Variants in NCAM1 observed in about 807,000 individuals in gnomAD.
NCAM1 encodes antigen recognized by monoclonal antibody 5.1H11.
NCAM1 carries 14 observed loss-of-function variants against 109.8 expected under a neutral mutation model. The ratio of observed to expected loss-of-function variants is 0.13; its 90% CI spans 0.08 to 0.20. The LOEUF (loss-of-function observed/expected upper bound fraction) is 0.20. Ranked by LOEUF, NCAM1 falls within the 10% of genes least tolerant of loss-of-function variation. The pLI is 1.00. For synonymous variants in NCAM1, 418 were observed against 442.9 expected (o/e 0.94, Z 0.70); for missense variants, 774 against 1,109.9 (o/e 0.70, Z 4.30).
intron 1 of NCAM1, among the ~76,000 whole-genome samples, chr11:113,180,122 A>T (rs539190632): frequency 6.6e-6 from 1 of 152,292 alleles, no homozygotes; most frequent in Non-Finnish European, 1.5e-5. Context: ...TTTGTGGACG[A>T]CTGACTGGCA....
At chr11:113,093,396 G>C (rs921412887) in intron 1 of NCAM1, among the ~76,000 whole-genome samples, 6 of 152,178 alleles carry the variant, frequency 3.9e-5, no homozygotes, top group Admixed American at 1.3e-4. Flanking sequence ...AAGCTTTGCT[G>C]TTGCATTGCA....
At chr11:113,224,508 C>T (rs9783383) in intron 9 of NCAM1, among the ~76,000 whole-genome samples, 1 of 152,370 alleles carries the variant, frequency 6.6e-6, no homozygotes, top group Admixed American at 6.5e-5. Context: ...CCTCTGGCAG[C>T]AGGGCATAGC....
chr11:112,970,195 A>T (rs528409973), intron 1 of NCAM1, among the ~76,000 whole-genome samples: 23 of 152,156 alleles, frequency 1.5e-4, no homozygotes, highest in East Asian at 1.2e-3. Context: ...AGAAATTAAA[A>T]ATATATATAT....
intron 1 of NCAM1, among the ~76,000 whole-genome samples, chr11:113,163,970 G>A (rs1177909925): frequency 3.3e-5 from 5 of 152,080 alleles, no homozygotes; most frequent in Non-Finnish European, 5.9e-5. Context: ...CTACCCACTG[G>A]CATGTTCCCA....
chr11:113,046,691 CAGAA>C (rs1367620679), intron 1 of NCAM1, among the ~76,000 whole-genome samples: 1 of 149,858 alleles, frequency 6.7e-6, no homozygotes. Flanking sequence ...GATGAACAGA[CAGAA>C]AGACAGATGA....
intron 14 of NCAM1, among the ~76,000 whole-genome samples, chr11:113,236,570 T>G (rs1945173840): frequency 6.6e-6 from 1 of 152,130 alleles, no homozygotes; most frequent in East Asian, 1.9e-4. Context: ...ATTTATTAAT[T>G]TTTGTGTGTG....
At chr11:113,044,784 C>T (rs1366256090) in intron 1 of NCAM1, among the ~76,000 whole-genome samples, 2 of 151,986 alleles carry the variant, frequency 1.3e-5, no homozygotes, top group Non-Finnish European at 2.9e-5. Flanking sequence ...GACGGAGTCT[C>T]GCTCTGTCGC....
intron 1 of NCAM1, among the ~76,000 whole-genome samples, chr11:113,166,588 A>T (rs1555105316): frequency 6.6e-6 from 1 of 152,252 alleles, no homozygotes; most frequent in South Asian, 2.1e-4. Context: ...TACAAGGAAT[A>T]ATAAAATATT....
chr11:113,131,422 G>C (rs997859479), intron 1 of NCAM1, among the ~76,000 whole-genome samples: 1 of 152,124 alleles, frequency 6.6e-6, no homozygotes, highest in African/African-American at 2.4e-5. Flanking sequence ...ATTTTACTCA[G>C]GGATTCATTG....
intron 1 of NCAM1, among the ~76,000 whole-genome samples, chr11:112,991,318 A>C (rs1336304276): frequency 6.6e-6 from 1 of 152,172 alleles, no homozygotes; most frequent in Non-Finnish European, 1.5e-5. Flanking sequence ...TAAATAAACA[A>C]ACTAGAATTT....
At chr11:113,086,845 A>G (rs1037062854) in intron 1 of NCAM1, among the ~76,000 whole-genome samples, 2 of 152,214 alleles carry the variant, frequency 1.3e-5, no homozygotes, top group African/African-American at 2.4e-5. Context: ...AAAAATTATC[A>G]GGATATAAAT....
chr11:113,208,877 A>G (rs1327960568), intron 7 of NCAM1, among the ~76,000 whole-genome samples: 1 of 152,210 alleles, frequency 6.6e-6, no homozygotes. Flanking sequence ...TGGTAACTTT[A>G]GTGGTCGATG....
intron 1 of NCAM1, among the ~76,000 whole-genome samples, chr11:113,122,056 G>A (rs61395032): frequency 0.069 from 10,556 of 152,118 alleles, 725 homozygotes; most frequent in Admixed American, 0.17. Flanking sequence ...GGGTAATCTA[G>A]TCTATTTCAG....
At chr11:113,043,505 T>G (rs1160730849) in intron 1 of NCAM1, among the ~76,000 whole-genome samples, 1 of 151,964 alleles carries the variant, frequency 6.6e-6, no homozygotes, top group African/African-American at 2.4e-5. Flanking sequence ...CCCAGCTAAT[T>G]TTTGTATTTT....
At chr11:113,148,855 G>A (rs1445412456) in intron 1 of NCAM1, among the ~76,000 whole-genome samples, 5 of 152,096 alleles carry the variant, frequency 3.3e-5, no homozygotes, top group Non-Finnish European at 7.4e-5. Flanking sequence ...CTGCTTCTCT[G>A]CACAGCCATA....
At chr11:113,001,961 T>C (rs1352657534) in intron 1 of NCAM1, among the ~76,000 whole-genome samples, 1 of 152,176 alleles carries the variant, frequency 6.6e-6, no homozygotes, top group Non-Finnish European at 1.5e-5. Flanking sequence ...GGAGAGGCAA[T>C]TAGAGCAACC....
rs1390639811 is a variant in NCAM1, at chr11:113,022,894, G to A, written c.52+61230G>A. On this transcript the variant is annotated intron_variant, in intron 1 of 19. Coordinates refer to ENST00000316851, the MANE Select transcript of NCAM1 (RefSeq NM_181351.5). ...TCTGCATTCTAGCAAACTATAAGGA[G>A]GAAGTGACAAAAAGGATAATCTTTT... 4.6e-5 allele frequency among the ~76,000 whole-genome samples: 7 copies of A among 152,174 alleles called. No individual in the cohort carries two copies. In the South Asian group the frequency reaches 1.0e-3, roughly 23 times the overall value.
intron 1 of NCAM1, among the ~76,000 whole-genome samples, chr11:113,013,282 C>T (rs1167555183): frequency 6.6e-6 from 1 of 151,670 alleles, no homozygotes; most frequent in East Asian, 1.9e-4. Flanking sequence ...CAAAATTATC[C>T]AGGCATGATG....
chr11:113,058,581 G>A (rs1347195755), intron 1 of NCAM1, among the ~76,000 whole-genome samples: 1 of 152,138 alleles, frequency 6.6e-6, no homozygotes, highest in Non-Finnish European at 1.5e-5. Context: ...TTATTGAGTA[G>A]GATAATTTGA....
Sources: allele counts gnomAD v4.1 joint callset (sites outside exome capture counted in the v4.1 genomes callset), GRCh38; gene constraint gnomAD v4.1.1; transcripts MANE v1.5; gene names NCBI Gene and HGNC (gene_info 2026-07-23, HGNC 2026-07-21).